CADPS2: variants seen among roughly 807,000 people sequenced by gnomAD.
The protein encoded by CADPS2 is calcium dependent secretion activator 2.
CADPS2 carries 93 observed loss-of-function variants against 172.5 expected under a neutral mutation model. The ratio of observed to expected loss-of-function variants is 0.54; its 90% CI spans 0.46 to 0.64. The LOEUF (loss-of-function observed/expected upper bound fraction) is 0.64, where lower values mean the gene tolerates loss of function less well. CADPS2 is among the 30% of genes least tolerant of loss of function. CADPS2 has a pLI of 0.00. For synonymous variants in CADPS2, 546 were observed against 555.2 expected, an observed-to-expected ratio of 0.98 and a Z score of 0.23; for missense variants, 1,420 against 1,565.9, an observed-to-expected ratio of 0.91 and a Z score of 1.57.
At chr7:122,531,234 C>T (rs781674443) in intron 8 of CADPS2, among the ~76,000 whole-genome samples, 1 of 152,090 alleles carries the variant, frequency 6.6e-6, no homozygotes, top group Admixed American at 6.6e-5. Flanking sequence ...CTGCAGAGAG[C>T]GTCAAAGAAA....
intron 7 of CADPS2, among the ~76,000 whole-genome samples, chr7:122,558,930 T>TG (rs2065367830): frequency 6.6e-6 from 1 of 152,082 alleles, no homozygotes; most frequent in African/African-American, 2.4e-5. Context: ...CACTGGGTGC[T>TG]GGGGGAGACA....
intron 2 of CADPS2, chr7:122,702,798 T>A: frequency 7.4e-7 from 1 of 1,357,326 alleles, no homozygotes; most frequent in East Asian, 2.5e-5. Context: ...CAAAACAACA[T>A]CAGTTGTAGA....
At chr7:122,462,118 T>C (rs1437608689) in intron 14 of CADPS2, among the ~76,000 whole-genome samples, 2 of 152,172 alleles carry the variant, frequency 1.3e-5, no homozygotes, top group African/African-American at 4.8e-5. Flanking sequence ...AAATTGTTTC[T>C]AAATCTAAGC....
At chr7:122,649,408 A>G (rs2078904958) in intron 3 of CADPS2, among the ~76,000 whole-genome samples, 1 of 152,132 alleles carries the variant, frequency 6.6e-6, no homozygotes, top group Non-Finnish European at 1.5e-5. Flanking sequence ...AGCTTCCCCT[A>G]CATTAGATGT....
chr7:122,687,951 A>G (rs1303783160), intron 2 of CADPS2, among the ~76,000 whole-genome samples: 3 of 152,240 alleles, frequency 2.0e-5, no homozygotes, highest in Non-Finnish European at 4.4e-5. Context: ...GTATAGACCT[A>G]TATTTCCAGC....
At chr7:122,715,162 T>C (rs1185127733) in intron 2 of CADPS2, among the ~76,000 whole-genome samples, 1 of 152,176 alleles carries the variant, frequency 6.6e-6, no homozygotes, top group Non-Finnish European at 1.5e-5. Flanking sequence ...AAGTTTCCTA[T>C]TCTTTGACTT....
intron 2 of CADPS2, among the ~76,000 whole-genome samples, chr7:122,688,014 C>G (rs993243709): frequency 6.6e-6 from 1 of 152,188 alleles, no homozygotes; most frequent in African/African-American, 2.4e-5. Flanking sequence ...AAAATCTGTA[C>G]TCTTCTACTT....
intron 14 of CADPS2, among the ~76,000 whole-genome samples, chr7:122,459,794 A>G (rs1190459141): frequency 6.6e-6 from 1 of 152,208 alleles, no homozygotes; most frequent in Non-Finnish European, 1.5e-5. Context: ...ATATTTATGG[A>G]CCACTTGGTC....
chr7:122,852,804 A>C (rs1331914007), intron 1 of CADPS2, among the ~76,000 whole-genome samples: 1 of 152,142 alleles, frequency 6.6e-6, no homozygotes, highest in Non-Finnish European at 1.5e-5. Context: ...GGAGGTCATG[A>C]ACAGAGAAGC....
At chr7:122,813,190 C>T (rs534007208) in intron 1 of CADPS2, among the ~76,000 whole-genome samples, 1 of 152,058 alleles carries the variant, frequency 6.6e-6, no homozygotes, top group Non-Finnish European at 1.5e-5. Context: ...TCCATCAGTA[C>T]CAAGCTTCTT....
intron 8 of CADPS2, among the ~76,000 whole-genome samples, chr7:122,543,615 G>A (rs765689562): frequency 2.6e-5 from 4 of 152,048 alleles, no homozygotes; most frequent in Non-Finnish European, 4.4e-5. Flanking sequence ...ATAGGAGGGT[G>A]GATGTTATAA....
At chr7:122,497,968 C>CT (rs1050605550) in intron 9 of CADPS2, among the ~76,000 whole-genome samples, 2 of 151,868 alleles carry the variant, frequency 1.3e-5, no homozygotes, top group Admixed American at 6.6e-5. Flanking sequence ...TTGTAATTTG[C>CT]TTTTTTTTGA....
At position 122,451,465 on chromosome 7, in the gene CADPS2, T is replaced by G; in HGVS notation, c.2197A>C (p.Ile733Leu). The change falls in exon 15 of 30, where the codon ATT (isoleucine) becomes CTT (leucine). Residue 733 changes from isoleucine (I) to leucine (L), a missense_variant. By Grantham distance (5) the Ile-to-Leu change is conservative. Coordinates refer to ENST00000449022, the MANE Select transcript of CADPS2 (RefSeq NM_017954.11). Reference protein sequence around the residue: ...SHVHGNRPDGIGTVSVEEKER... With the variant: ...SHVHGNRPDGLGTVSVEEKER... ...TTTTCTTCCACTGAAACAGTCCCAA[T>G]TCCATCAGGCCTGAAAAAAAAATCA... 1.3e-6 allele frequency: 2 copies of G among 1,572,182 alleles called. No homozygotes were observed. Among genetic ancestry groups the G allele is most frequent in the Non-Finnish European group, 1.7e-6 (2 of 1,157,298 alleles).
chr7:122,423,502 T>A (rs934302976), intron 17 of CADPS2, among the ~76,000 whole-genome samples: 1 of 152,168 alleles, frequency 6.6e-6, no homozygotes. Context: ...TTTCAGTTCT[T>A]TAGGGTCAAG....
intron 1 of CADPS2, among the ~76,000 whole-genome samples, chr7:122,826,105 G>T (rs1209313803): frequency 6.6e-6 from 1 of 152,182 alleles, no homozygotes; most frequent in Non-Finnish European, 1.5e-5. Context: ...AGTGGTGACA[G>T]AGTAGGCCTA....
intron 3 of CADPS2, among the ~76,000 whole-genome samples, chr7:122,658,448 T>C (rs2080091129): frequency 6.6e-6 from 1 of 152,216 alleles, no homozygotes; most frequent in Non-Finnish European, 1.5e-5. Context: ...AGTATGTTTA[T>C]TGAGGCACTA....
chr7:122,631,954 T>G (rs1215162612), intron 3 of CADPS2, among the ~76,000 whole-genome samples: 1 of 152,172 alleles, frequency 6.6e-6, no homozygotes, highest in South Asian at 2.1e-4. Context: ...TGGTTTTATG[T>G]TAAGGTGCTA....
At chr7:122,362,446 A>C (rs1447917507) in intron 25 of CADPS2, among the ~76,000 whole-genome samples, 2 of 151,948 alleles carry the variant, frequency 1.3e-5, no homozygotes, top group African/African-American at 4.9e-5. Context: ...TGTGGAATTC[A>C]AATTAGTCTC....
At chr7:122,858,176 A>G (rs925111057) in intron 1 of CADPS2, among the ~76,000 whole-genome samples, 2 of 152,122 alleles carry the variant, frequency 1.3e-5, no homozygotes, top group Non-Finnish European at 2.9e-5. Context: ...TCCATTTAAC[A>G]GAGTGCTGAT....
Sources: gnomAD v4.1 joint callset for allele counts (sites outside exome capture counted in the v4.1 genomes callset) on GRCh38, gnomAD v4.1.1 for gene constraint, MANE v1.5 for transcripts, NCBI Gene and HGNC (gene_info 2026-07-23, HGNC 2026-07-21) for gene names.